Variants in NTRK2 observed in about 807,000 individuals in gnomAD.
The protein encoded by NTRK2 is BDNF/NT-3 growth factors receptor.
A neutral mutation model predicts 94.5 loss-of-function variants in NTRK2; 13 were observed. The observed-to-expected ratio is 0.14, with a 90% CI of 0.09 to 0.22. The LOEUF is 0.22. Among genes scored for constraint, NTRK2 ranks in the 10% least tolerant of loss-of-function variants. The pLI is 1.00. For missense variants in NTRK2, 639 were observed against 1,071.2 expected (o/e 0.60, Z 5.63); for synonymous variants, 372 against 407.4 (o/e 0.91, Z 1.05).
intron 14 of NTRK2, among the ~76,000 whole-genome samples, chr9:84,909,178 A>C (rs1468347467): frequency 6.6e-6 from 1 of 152,134 alleles, no homozygotes; most frequent in Non-Finnish European, 1.5e-5. Flanking sequence ...TCAGGATGTA[A>C]ACTTTTGGAT....
intron 12 of NTRK2, among the ~76,000 whole-genome samples, chr9:84,762,453 G>A (rs999209326): frequency 2.6e-5 from 4 of 152,192 alleles, no homozygotes; most frequent in African/African-American, 9.6e-5. Flanking sequence ...TAGCCCAAAA[G>A]ACATAATTTC....
intron 6 of NTRK2, among the ~76,000 whole-genome samples, chr9:84,719,956 G>T (rs1296979292): frequency 6.8e-6 from 1 of 146,818 alleles, no homozygotes; most frequent in Non-Finnish European, 1.5e-5. Context: ...GGAGGCAGAG[G>T]TTGCAGTGAG....
intron 12 of NTRK2, among the ~76,000 whole-genome samples, chr9:84,776,347 G>A (rs1444929179): frequency 1.3e-5 from 2 of 152,100 alleles, no homozygotes; most frequent in Non-Finnish European, 1.5e-5. Context: ...TCAGTCTCCT[G>A]AGTAGCTGAG....
At chr9:84,855,765 A>G (rs1412588602) in intron 12 of NTRK2, among the ~76,000 whole-genome samples, 2 of 152,162 alleles carry the variant, frequency 1.3e-5, no homozygotes, top group African/African-American at 4.8e-5. Flanking sequence ...TACTCTGTCT[A>G]CGCCCACATA....
At chr9:84,935,986 A>G (rs1486054648) in intron 15 of NTRK2, among the ~76,000 whole-genome samples, 1 of 152,194 alleles carries the variant, frequency 6.6e-6, no homozygotes, top group Non-Finnish European at 1.5e-5. Flanking sequence ...TGTATTATAG[A>G]CAAGGAATCT....
intron 12 of NTRK2, among the ~76,000 whole-genome samples, chr9:84,774,040 C>T (rs2132886766): frequency 6.6e-6 from 1 of 152,320 alleles, no homozygotes; most frequent in African/African-American, 2.4e-5. Context: ...TTCCTGCCCT[C>T]CCCTATGGCC....
intron 14 of NTRK2, chr9:84,874,722 C>A (rs2076002884): frequency 3.8e-6 from 4 of 1,061,648 alleles, no homozygotes; most frequent in Non-Finnish European, 4.6e-6. Context: ...GAGCCACTGC[C>A]CTCTGAGACT....
chr9:84,761,968 G>T lies in NTRK2; in HGVS notation c.1396+9883G>T, dbSNP rs147327632. 4.6e-3 allele frequency among the ~76,000 whole-genome samples: 702 copies of T among 152,210 alleles called. 8 individuals carry two copies. The highest frequency in any genetic ancestry group is 0.016 in the African/African-American group (664 of 41,544). On this transcript the variant is annotated intron_variant, in intron 12 of 18. Coordinates refer to ENST00000277120, the MANE Select transcript of NTRK2 (RefSeq NM_006180.6). The stretch of plus-strand genomic sequence containing the variant: ...GATGGGAGGCAATTGAATCATGGGG[G>T]TGGGTCTGTCCCATGCTGTTCTCGT...
intron 12 of NTRK2, among the ~76,000 whole-genome samples, chr9:84,797,586 C>CTATATATTATATATTATATATAT (rs1564296847): frequency 3.9e-5 from 2 of 51,460 alleles, no homozygotes; most frequent in South Asian, 4.5e-4. Flanking sequence ...ATTATATATA[C>CTATATATTATATATTATATATAT]TATATATACT....
Position 85,026,148 on chromosome 9 carries a change from A to G in NTRK2, c.*4711A>G, listed in dbSNP as rs571434166. The stretch of plus-strand genomic sequence containing the variant: ...GCAAAGCAAAAAAAAAAATATATAT[A>G]TATATATCTGTATATGTGTTGTAGG... On this transcript the variant is annotated 3_prime_UTR_variant, in exon 19 of 19. Transcript: ENST00000277120. 57 of 219,620 alleles carry G rather than the reference A, an allele frequency of 2.6e-4. No individual in the cohort carries two copies. Among genetic ancestry groups the G allele is most frequent in the African/African-American group, 1.2e-3 (53 of 44,452 alleles). The allele number at this position is 219,620 out of a possible 1,614,324, so 13.6% of individuals were successfully genotyped here. A position where few individuals can be genotyped will look rare whatever the true frequency, so the allele number is the denominator to read the frequency against.
chr9:84,939,689 A>G (rs1012498763), intron 15 of NTRK2, among the ~76,000 whole-genome samples: 1 of 152,198 alleles, frequency 6.6e-6, no homozygotes, highest in Non-Finnish European at 1.5e-5. Context: ...GAACAATATC[A>G]TGTTCACTGG....
intron 14 of NTRK2, among the ~76,000 whole-genome samples, chr9:84,884,191 A>G (rs2076347043): frequency 6.6e-6 from 1 of 152,244 alleles, no homozygotes; most frequent in African/African-American, 2.4e-5. Context: ...ATTGGGTAAG[A>G]GAAACCAGAA....
At chr9:84,688,968 C>T (rs933178376) in intron 2 of NTRK2, among the ~76,000 whole-genome samples, 1 of 152,208 alleles carries the variant, frequency 6.6e-6, no homozygotes, top group Non-Finnish European at 1.5e-5. Context: ...GTAACTAAAG[C>T]TTTCATGTCT....
intron 14 of NTRK2, among the ~76,000 whole-genome samples, chr9:84,870,118 T>TATAC (rs1331856641): frequency 7.5e-6 from 1 of 133,534 alleles, no homozygotes; most frequent in East Asian, 2.0e-4. Flanking sequence ...TATATATATA[T>TATAC]ATATATATAC....
chr9:84,854,675 G>A lies in NTRK2; in HGVS notation c.1397-6365G>A, dbSNP rs955874643. On this transcript the variant is annotated intron_variant, in intron 12 of 18. Transcript: ENST00000277120. The stretch of plus-strand genomic sequence containing the variant: ...AAAAAAGAGCCTGAGGGCCGGGCGC[G>A]GTGGCTCACGACTGTAATCCCAGCA... Among the ~76,000 whole-genome samples, 14 of 152,180 alleles carry A rather than the reference G, an allele frequency of 9.2e-5. No homozygotes were observed. The East Asian group carries it at 2.1e-3, about 23-fold the overall frequency.
In NTRK2 at chr9:84,965,095, G is replaced by A. The variant is rs558322591; in HGVS notation, c.2172+9578G>A. 1.2e-4 allele frequency among the ~76,000 whole-genome samples: 19 copies of A among 152,172 alleles called. No homozygotes were observed. The South Asian group carries it at 3.1e-3, about 25-fold the overall frequency. On this transcript the variant is annotated intron_variant, in intron 17 of 18. Coordinates refer to ENST00000277120, the MANE Select transcript of NTRK2 (RefSeq NM_006180.6). ...TATTGAGCAAGAGGAAATTATCTTA[G>A]CCTACTTGTTACCTTTGAGAGATTC...
chr9:84,723,655 T>A lies in NTRK2; in HGVS notation c.666T>A (p.Gly222=). The change falls in exon 7 of 19, where the codon GGT becomes GGA. Residue 222 remains glycine, a synonymous_variant. Coordinates refer to ENST00000277120, the MANE Select transcript of NTRK2 (RefSeq NM_006180.6). ...KSITLSCSVA[G]DPVPNMYWDV... is the part of the protein sequence containing the mutation. ...TCACATTATCCTGTAGTGTGGCAGG[T>A]GATCCGGTTCCTAATATGTATTGGG... 2.5e-6 allele frequency: 4 copies of A among 1,613,850 alleles called. No homozygotes were observed. The highest frequency in any genetic ancestry group is 3.4e-6 in the Non-Finnish European group (4 of 1,179,960).
intron 12 of NTRK2, among the ~76,000 whole-genome samples, chr9:84,780,472 G>GTT (rs754402972): frequency 1.2e-4 from 19 of 152,252 alleles, no homozygotes; most frequent in South Asian, 2.1e-4. Flanking sequence ...TTTGTAATAG[G>GTT]TTGTGGAGAT....
chr9:84,790,746 T>C (rs1189639505), intron 12 of NTRK2, among the ~76,000 whole-genome samples: 3 of 152,216 alleles, frequency 2.0e-5, no homozygotes, highest in Non-Finnish European at 4.4e-5. Flanking sequence ...TGTGGGAATC[T>C]GTAGGGAAAT....
Sources: gnomAD v4.1 joint callset for allele counts (sites outside exome capture counted in the v4.1 genomes callset) on GRCh38, gnomAD v4.1.1 for gene constraint, MANE v1.5 for transcripts, NCBI Gene and HGNC (gene_info 2026-07-23, HGNC 2026-07-21) for gene names.